The following ANKS1B variants were observed in gnomAD, a reference collection of about 807,000 sequenced individuals.
ANKS1B encodes the protein ankyrin repeat and sterile alpha motif domain containing 1B.
In ANKS1B, 36 loss-of-function variants were observed where a neutral mutation model predicts 148.3. The observed-to-expected ratio is 0.24, with a 90% CI of 0.19 to 0.32. ANKS1B has a LOEUF of 0.32. ANKS1B is among the 10% of genes least tolerant of loss of function. The pLI, the probability that ANKS1B is intolerant of heterozygous loss-of-function variation, is 1.00. For missense variants in ANKS1B, 1,157 were observed against 1,542.6 expected (o/e 0.75, Z 4.19); for synonymous variants, 542 against 560.8 (o/e 0.97, Z 0.47).
In ANKS1B at chr12:99,066,671, G is replaced by C. The variant is rs556050999; in HGVS notation, c.2626-13362C>G. 3.3e-5 allele frequency among the ~76,000 whole-genome samples: 5 copies of C among 152,314 alleles called. No homozygotes were observed. In the South Asian group the frequency reaches 8.3e-4, roughly 25 times the overall value. ...AGTAAAGCTAATAGGTCTTTTCAGA[G>C]GCTGTGGAAGTAATTCAGAAGGAAG... is the stretch of plus-strand genomic sequence containing the variant. On this transcript the variant is annotated intron_variant, in intron 16 of 26. Coordinates refer to ENST00000683438, the MANE Select transcript of ANKS1B (RefSeq NM_001352186.2).
intron 1 of ANKS1B, among the ~76,000 whole-genome samples, chr12:99,934,099 C>A (rs1219163445): frequency 2.6e-5 from 4 of 152,166 alleles, no homozygotes; most frequent in African/African-American, 7.2e-5. Context: ...GTTGAACCAT[C>A]CTTACCTCCC....
At chr12:99,209,266 T>C (rs922692859) in intron 14 of ANKS1B, among the ~76,000 whole-genome samples, 4 of 152,202 alleles carry the variant, frequency 2.6e-5, no homozygotes, top group African/African-American at 9.6e-5. Flanking sequence ...ATGTAAATAA[T>C]CAGGCCAAGT....
At chr12:99,847,896 C>T (rs2086959153) in intron 1 of ANKS1B, among the ~76,000 whole-genome samples, 1 of 151,978 alleles carries the variant, frequency 6.6e-6, no homozygotes, top group Non-Finnish European at 1.5e-5. Context: ...TGACCTACCC[C>T]AAAGCTTAAG....
chr12:98,748,509 G>GCCTGAGGTTGTGGGAAGGCCTCTC (rs2097961277), intron 26 of ANKS1B, among the ~76,000 whole-genome samples: 1 of 152,190 alleles, frequency 6.6e-6, no homozygotes, highest in Non-Finnish European at 1.5e-5. Flanking sequence ...TCTTCTCAGA[G>GCCTGAGGTTGTGGGAAGGCCTCTC]CCTGAGGTTG....
intron 9 of ANKS1B, among the ~76,000 whole-genome samples, chr12:99,507,520 G>A (rs779536956): frequency 6.6e-6 from 1 of 151,814 alleles, no homozygotes; most frequent in South Asian, 2.1e-4. Flanking sequence ...CTCCCAGACT[G>A]TTTCACTCTG....
chr12:99,175,786 G>A (rs1373281241), intron 14 of ANKS1B, among the ~76,000 whole-genome samples: 3 of 152,242 alleles, frequency 2.0e-5, no homozygotes, highest in South Asian at 4.2e-4. Context: ...CTCCACCTAC[G>A]ATGCTGTGTT....
intron 18 of ANKS1B, chr12:98,831,767 C>A (rs552732189): frequency 4.8e-6 from 2 of 413,282 alleles, no homozygotes; most frequent in South Asian, 3.0e-5. Context: ...TAAAATAATT[C>A]TTTTATTTTC....
At chr12:99,451,062 G>C (rs998960994) in intron 10 of ANKS1B, among the ~76,000 whole-genome samples, 2 of 152,184 alleles carry the variant, frequency 1.3e-5, no homozygotes, top group Admixed American at 6.5e-5. Flanking sequence ...CACATATGCA[G>C]TTACAAAATA....
At chr12:99,300,009 A>G (rs912958070) in intron 12 of ANKS1B, among the ~76,000 whole-genome samples, 3 of 152,176 alleles carry the variant, frequency 2.0e-5, no homozygotes, top group Non-Finnish European at 4.4e-5. Flanking sequence ...AATCAAATCA[A>G]TTTTGGGACA....
intron 14 of ANKS1B, among the ~76,000 whole-genome samples, chr12:99,192,174 T>C (rs2080828488): frequency 7.0e-6 from 1 of 141,966 alleles, no homozygotes; most frequent in African/African-American, 2.6e-5. Context: ...ATTGTGATCA[T>C]AACAGAGGTA....
chr12:99,692,307 G>A (rs1167331309), intron 8 of ANKS1B, among the ~76,000 whole-genome samples: 1 of 152,130 alleles, frequency 6.6e-6, no homozygotes, highest in African/African-American at 2.4e-5. Flanking sequence ...AGTTAGATGT[G>A]GTCAGATAGC....
At chr12:98,957,015 T>C (rs2099863352) in intron 17 of ANKS1B, among the ~76,000 whole-genome samples, 2 of 152,206 alleles carry the variant, frequency 1.3e-5, no homozygotes, top group African/African-American at 4.8e-5. Context: ...CTTCTAAAAA[T>C]GTTTCCTCCC....
intron 8 of ANKS1B, among the ~76,000 whole-genome samples, chr12:99,760,656 C>A (rs1255796098): frequency 6.6e-6 from 1 of 151,076 alleles, no homozygotes; most frequent in African/African-American, 2.4e-5. Context: ...AAAACAAGAA[C>A]AAATCAGAAG....
intron 9 of ANKS1B, among the ~76,000 whole-genome samples, chr12:99,551,274 C>T (rs1270427918): frequency 6.6e-6 from 1 of 152,236 alleles, no homozygotes; most frequent in Admixed American, 6.5e-5. Context: ...TCAAATACAT[C>T]ATCATACTCA....
intron 17 of ANKS1B, among the ~76,000 whole-genome samples, chr12:98,971,806 C>T (rs992869244): frequency 6.6e-6 from 1 of 152,156 alleles, no homozygotes; most frequent in Non-Finnish European, 1.5e-5. Flanking sequence ...CAGCTGTTGT[C>T]CATTTCCAGA....
At chr12:99,265,312 C>T (rs531435692) in intron 12 of ANKS1B, among the ~76,000 whole-genome samples, 5 of 152,260 alleles carry the variant, frequency 3.3e-5, no homozygotes, top group African/African-American at 7.2e-5. Flanking sequence ...AAACTGTCCA[C>T]TTGATTCTCA....
At chr12:99,103,429 C>G (rs2058454616) in intron 15 of ANKS1B, among the ~76,000 whole-genome samples, 1 of 152,140 alleles carries the variant, frequency 6.6e-6, no homozygotes, top group Middle Eastern at 3.2e-3. Context: ...TCTTCTTGGT[C>G]TCATTTTTTC....
chr12:99,266,175 A>G (rs1223736157), intron 12 of ANKS1B, among the ~76,000 whole-genome samples: 2 of 152,100 alleles, frequency 1.3e-5, no homozygotes, highest in Non-Finnish European at 2.9e-5. Flanking sequence ...AGTGTTTTAT[A>G]TGTATCATTT....
chr12:99,584,467 T>C (rs1281145878), intron 9 of ANKS1B, among the ~76,000 whole-genome samples: 2 of 151,976 alleles, frequency 1.3e-5, no homozygotes, highest in Non-Finnish European at 2.9e-5. Context: ...GGTGTGATGC[T>C]GCATGCCTGT....
Sources: allele counts gnomAD v4.1 joint callset (sites outside exome capture counted in the v4.1 genomes callset), GRCh38; gene constraint gnomAD v4.1.1; transcripts MANE v1.5; gene names NCBI Gene and HGNC (gene_info 2026-07-23, HGNC 2026-07-21).